Variants in GOLM2 observed in about 807,000 individuals in gnomAD.
GOLM2 encodes the protein golgi membrane protein 2.
A neutral mutation model predicts 55.9 loss-of-function variants in GOLM2; 26 were observed. That is an observed-to-expected ratio of 0.47 (90% CI 0.34 to 0.65). The LOEUF (loss-of-function observed/expected upper bound fraction) is 0.65, where lower values mean the gene tolerates loss of function less well. Ranked by LOEUF, GOLM2 falls within the 30% of genes least tolerant of loss-of-function variation. The pLI is 0.01. For synonymous variants in GOLM2, 165 were observed against 194.6 expected (o/e 0.85, Z 1.27); for missense variants, 486 against 531.8 (o/e 0.91, Z 0.85).
intron 6 of GOLM2, among the ~76,000 whole-genome samples, chr15:44,339,613 C>T (rs2079078146): frequency 6.6e-6 from 1 of 151,856 alleles, no homozygotes; most frequent in African/African-American, 2.4e-5. Context: ...GCTGGGATTA[C>T]AAGCATGAGC....
intron 6 of GOLM2, among the ~76,000 whole-genome samples, chr15:44,345,097 C>T (rs1359930282): frequency 6.6e-6 from 1 of 151,554 alleles, no homozygotes; most frequent in Admixed American, 6.6e-5. Context: ...AGGCGTGAGC[C>T]ACCGCGCCTG....
At chr15:44,304,323 C>G (rs1303248104) in intron 1 of GOLM2, among the ~76,000 whole-genome samples, 1 of 147,544 alleles carries the variant, frequency 6.8e-6, no homozygotes, top group Non-Finnish European at 1.5e-5. Context: ...CTCACTGCAG[C>G]CTCCGCCTCA....
rs182263948 is a variant in GOLM2 at position 44,347,337 on chromosome 15, T to A, written c.802+9020T>A. The stretch of plus-strand genomic sequence containing the variant: ...GGCATGGAAGGAGTAGGAAAGACAG[T>A]CTTGAATTGAAGACACCACCCCCCA... On this transcript the variant is annotated intron_variant, in intron 6 of 9. Coordinates refer to ENST00000299957, the MANE Select transcript of GOLM2 (RefSeq NM_138423.4). 4.5e-3 allele frequency among the ~76,000 whole-genome samples: 678 copies of A among 152,242 alleles called. 4 individuals are homozygous for A. The highest frequency in any genetic ancestry group is 0.016 in the African/African-American group (646 of 41,550).
chr15:44,300,139 A>AGGAGG (rs2078787138), intron 1 of GOLM2, among the ~76,000 whole-genome samples: 1 of 137,358 alleles, frequency 7.3e-6, no homozygotes, highest in Non-Finnish European at 1.6e-5. Context: ...AAGAGAGGAG[A>AGGAGG]GGAGGGGAGG....
chr15:44,359,311 G>A (rs899885892), intron 6 of GOLM2, among the ~76,000 whole-genome samples: 11 of 151,974 alleles, frequency 7.2e-5, no homozygotes, highest in Admixed American at 1.3e-4. Context: ...TTAGAGGCCA[G>A]GCGCAGTGGC....
At chr15:44,371,531 T>C (rs1354702573) in intron 6 of GOLM2, among the ~76,000 whole-genome samples, 1 of 152,244 alleles carries the variant, frequency 6.6e-6, no homozygotes, top group African/African-American at 2.4e-5. Context: ...CTAACCAGTA[T>C]TTGAGCAAAT....
intron 9 of GOLM2, among the ~76,000 whole-genome samples, chr15:44,404,535 T>C (rs1230627810): frequency 1.3e-5 from 2 of 152,184 alleles, no homozygotes; most frequent in African/African-American, 4.8e-5. Flanking sequence ...ACTTTTTCTA[T>C]AATCTCATCC....
intron 6 of GOLM2, among the ~76,000 whole-genome samples, chr15:44,368,922 T>C (rs1455737745): frequency 6.7e-6 from 1 of 149,762 alleles, no homozygotes; most frequent in Non-Finnish European, 1.5e-5. Context: ...TTGAGGAGTT[T>C]GGATTTTGTT....
At chr15:44,325,939 A>T (rs2078977818) in intron 2 of GOLM2, among the ~76,000 whole-genome samples, 1 of 152,278 alleles carries the variant, frequency 6.6e-6, no homozygotes, top group Admixed American at 6.5e-5. Flanking sequence ...TAAATCAACC[A>T]TGTTTACATA....
intron 1 of GOLM2, among the ~76,000 whole-genome samples, chr15:44,301,558 A>G (rs1040337273): frequency 1.3e-5 from 2 of 152,142 alleles, no homozygotes; most frequent in African/African-American, 4.8e-5. Context: ...AGCAGGGGCT[A>G]TGAGGGGAAG....
chr15:44,292,918 G>A (rs1343334144), intron 1 of GOLM2, among the ~76,000 whole-genome samples: 2 of 152,070 alleles, frequency 1.3e-5, no homozygotes, highest in African/African-American at 2.4e-5. Context: ...GGGCTCAAGC[G>A]ATCCTCCCAC....
rs1206092290 is a variant in GOLM2 at position 44,337,774 on chromosome 15, A to G, written c.588A>G (p.Gln196=). ...ATTTTGTCTAACAGCAAGAGACCCAAAAGATTCAATCAAATGATGGAAAGG... is the reference window on the plus strand; with the variant it reads ...ATTTTGTCTAACAGCAAGAGACCCAGAAGATTCAATCAAATGATGGAAAGG... ...QFLEEQKQET[Q]KIQSNDGKEL... is the part of the protein sequence containing the mutation. Residue 196 remains glutamine (Q), a synonymous_variant, in exon 5 of 10, where the codon CAA becomes CAG. Coordinates refer to ENST00000299957, the MANE Select transcript of GOLM2 (RefSeq NM_138423.4). 6.3e-7 allele frequency: 1 copy of G among 1,579,540 alleles called. No individual in the cohort carries two copies. The highest frequency in any genetic ancestry group is 1.4e-5 in the African/African-American group (1 of 72,488).
At chr15:44,320,075 C>T (rs754448340) in intron 1 of GOLM2, among the ~76,000 whole-genome samples, 14 of 152,282 alleles carry the variant, frequency 9.2e-5, no homozygotes, top group Non-Finnish European at 1.6e-4. Context: ...AAAGTCACTC[C>T]TCATTCCTTC....
intron 1 of GOLM2, among the ~76,000 whole-genome samples, chr15:44,294,810 G>A (rs1343226224): frequency 1.3e-5 from 2 of 150,864 alleles, no homozygotes; most frequent in African/African-American, 4.9e-5. Flanking sequence ...GAGGAGTATC[G>A]TTTGAACTGG....
intron 1 of GOLM2, among the ~76,000 whole-genome samples, chr15:44,306,166 G>T (rs2078835535): frequency 6.6e-6 from 1 of 152,196 alleles, no homozygotes; most frequent in African/African-American, 2.4e-5. Context: ...CCAATAGAAG[G>T]CTGTTTCATT....
At chr15:44,381,742 G>T (rs2079404459) in intron 8 of GOLM2, among the ~76,000 whole-genome samples, 1 of 152,222 alleles carries the variant, frequency 6.6e-6, no homozygotes, top group African/African-American at 2.4e-5. Flanking sequence ...TTTGTACAAA[G>T]ATTGCGTGTA....
intron 4 of GOLM2, among the ~76,000 whole-genome samples, chr15:44,332,592 C>T (rs2079029721): frequency 6.6e-6 from 1 of 151,834 alleles, no homozygotes; most frequent in South Asian, 2.1e-4. Context: ...AATTTTGAAC[C>T]AAAATATCCA....
At chr15:44,312,616 A>G (rs2078881794) in intron 1 of GOLM2, among the ~76,000 whole-genome samples, 2 of 151,908 alleles carry the variant, frequency 1.3e-5, no homozygotes, top group African/African-American at 4.8e-5. Context: ...TCTTATATTC[A>G]CCCTCTCAGT....
chr15:44,373,532 A>G (rs115966298), intron 6 of GOLM2, among the ~76,000 whole-genome samples: 14,891 of 151,586 alleles, frequency 0.098, 1,546 homozygotes, highest in African/African-American at 0.25. Context: ...GAGGCAGGCG[A>G]ATCAAGAGAT....
Sources: gnomAD v4.1 joint callset for allele counts (sites outside exome capture counted in the v4.1 genomes callset) on GRCh38, gnomAD v4.1.1 for gene constraint, MANE v1.5 for transcripts, NCBI Gene and HGNC (gene_info 2026-07-23, HGNC 2026-07-21) for gene names.